Variants in CEP170 observed in about 807,000 individuals in gnomAD.
CEP170 encodes centrosomal protein 170.
Under a neutral mutation model 151.9 loss-of-function variants are expected in CEP170, and 21 were observed. The ratio of observed to expected loss-of-function variants is 0.14; its 90% CI spans 0.10 to 0.20. The LOEUF is 0.20. Among genes scored for constraint, CEP170 ranks in the 10% least tolerant of loss-of-function variants. CEP170 has a pLI of 1.00. For missense variants in CEP170, 964 were observed against 1,892.9 expected (o/e 0.51, Z 9.11); for synonymous variants, 356 against 648.8 (o/e 0.55, Z 6.86).
intron 12 of CEP170, among the ~76,000 whole-genome samples, chr1:243,167,800 T>C (rs887096972): frequency 1.3e-5 from 2 of 151,928 alleles, no homozygotes; most frequent in Non-Finnish European, 2.9e-5. Context: ...ATATATCTTA[T>C]CTCCTTAGTG....
chr1:243,148,553 G>A (rs1435626588), intron 14 of CEP170, among the ~76,000 whole-genome samples: 1 of 152,162 alleles, frequency 6.6e-6, no homozygotes, highest in African/African-American at 2.4e-5. Context: ...CAGCCTGGGT[G>A]ACAGTGAGAC....
intron 6 of CEP170, 85 bp from the exon 7 acceptor site, chr1:243,199,279 A>T: frequency 1.4e-5 from 20 of 1,403,370 alleles, no homozygotes; most frequent in Non-Finnish European, 1.9e-5. Context: ...TGCCTGCTTG[A>T]TTAATTAAAT....
At chr1:243,184,517 C>T (rs1027184877) in intron 10 of CEP170, among the ~76,000 whole-genome samples, 1 of 151,964 alleles carries the variant, frequency 6.6e-6, no homozygotes, top group African/African-American at 2.4e-5. Context: ...ATTTCCCAGA[C>T]AATGGGTCTC....
chr1:243,169,853 C>A, intron 11 of CEP170, 99 bp from the exon 12 acceptor site: 1 of 1,447,756 alleles, frequency 6.9e-7, no homozygotes, highest in Admixed American at 2.5e-5. Flanking sequence ...GCCATACAAA[C>A]CCATAATTAA....
intron 14 of CEP170, among the ~76,000 whole-genome samples, chr1:243,146,185 C>T (rs928193157): frequency 9.2e-5 from 14 of 152,052 alleles, no homozygotes; most frequent in African/African-American, 3.4e-4. Flanking sequence ...AAATTATGAA[C>T]TCGTTTGGAA....
intron 1 of CEP170, among the ~76,000 whole-genome samples, chr1:243,252,388 T>C (rs889865530): frequency 6.6e-6 from 1 of 152,128 alleles, no homozygotes; most frequent in East Asian, 1.9e-4. Context: ...TTTTGTGGAA[T>C]AAAAAACATT....
In CEP170 at chr1:243,191,009, T is replaced by C. The variant is rs1245932689; in HGVS notation, c.1108+9A>G. On this transcript the variant is annotated intron_variant, in intron 8 of 19. Coordinates refer to ENST00000366542, the MANE Select transcript of CEP170 (RefSeq NM_014812.3). ...AAGTAGGAAGTTCTGAATGATCAAATCACTTTACCTTTCAACCTTTTCAAG... is the reference window on the plus strand; with the variant it reads ...AAGTAGGAAGTTCTGAATGATCAAACCACTTTACCTTTCAACCTTTTCAAG... 6.6e-7 allele frequency: 1 copy of C among 1,517,720 alleles called. No homozygotes were observed. 94.0% of individuals were successfully genotyped at this position (1,517,720 alleles called of 1,614,324 possible). A position where few individuals can be genotyped will look rare whatever the true frequency, so the allele number is the denominator to read the frequency against.
chr1:243,150,564 C>T (rs1429518076), intron 14 of CEP170, among the ~76,000 whole-genome samples: 6 of 152,196 alleles, frequency 3.9e-5, no homozygotes, highest in Non-Finnish European at 4.4e-5. Context: ...GAAATTTGAA[C>T]AAAGCATTGG....
chr1:243,145,674 T>C (rs1478603836), intron 14 of CEP170, among the ~76,000 whole-genome samples: 2 of 152,194 alleles, frequency 1.3e-5, no homozygotes, highest in Non-Finnish European at 2.9e-5. Context: ...TTAAGTTTCC[T>C]TTGATATTAC....
chr1:243,173,065 CTTT>C (rs1021758453), intron 10 of CEP170, among the ~76,000 whole-genome samples: 1 of 145,786 alleles, frequency 6.9e-6, no homozygotes, highest in Non-Finnish European at 1.5e-5. Context: ...AGTAATTATC[CTTT>C]TTTTTTTTTG....
intron 4 of CEP170, chr1:243,211,169 A>G (rs2061774683): frequency 6.6e-6 from 1 of 151,470 alleles, no homozygotes; most frequent in Non-Finnish European, 1.5e-5. Flanking sequence ...TTAAATGTAC[A>G]TAAATCCTTT....
intron 8 of CEP170, among the ~76,000 whole-genome samples, chr1:243,189,391 C>G (rs1243357295): frequency 6.6e-6 from 1 of 151,766 alleles, no homozygotes; most frequent in African/African-American, 2.4e-5. Flanking sequence ...CCCGTCTCTA[C>G]TAAAAATAAA....
At position 243,126,257 on chromosome 1, in the gene CEP170, T is replaced by C; in HGVS notation, c.*192A>G. 1.4e-6 allele frequency: 1 copy of C among 710,618 alleles called. No individual in the cohort carries two copies. 44.0% of individuals were successfully genotyped at this position (710,618 alleles called of 1,614,324 possible). On this transcript the variant is annotated 3_prime_UTR_variant, in exon 20 of 20. Transcript: ENST00000366542. ...TGCTTTTTCCTATTTGTGCATCAAGTGGTTATCTAAATAGTTTGAAAGGAT... is the reference window on the plus strand; with the variant it reads ...TGCTTTTTCCTATTTGTGCATCAAGCGGTTATCTAAATAGTTTGAAAGGAT...
chr1:243,245,591 G>T (rs1465078941), intron 1 of CEP170, among the ~76,000 whole-genome samples: 1 of 152,064 alleles, frequency 6.6e-6, no homozygotes, highest in Non-Finnish European at 1.5e-5. Context: ...GTGTGTGCCT[G>T]TAATTCCAGC....
At chr1:243,253,357 G>C (rs575881802) in intron 1 of CEP170, 1 of 152,352 alleles carries the variant, frequency 6.6e-6, no homozygotes, top group South Asian at 2.1e-4. Flanking sequence ...AGGTAAAAGG[G>C]CTAGGGGGAC....
chr1:243,236,596 C>A (rs1325580538), intron 1 of CEP170, among the ~76,000 whole-genome samples: 2 of 152,148 alleles, frequency 1.3e-5, no homozygotes, highest in African/African-American at 4.8e-5. Context: ...GCGGATCAAT[C>A]TAGAGAAACG....
intron 14 of CEP170, among the ~76,000 whole-genome samples, chr1:243,149,730 T>C (rs893602092): frequency 3.9e-5 from 6 of 152,222 alleles, no homozygotes; most frequent in African/African-American, 9.6e-5. Flanking sequence ...AATTATATTA[T>C]AATTGAAGAC....
chr1:243,213,935 T>C (rs2062033991), intron 3 of CEP170, among the ~76,000 whole-genome samples: 1 of 152,178 alleles, frequency 6.6e-6, no homozygotes, highest in South Asian at 2.1e-4. Context: ...GGTCTTGAAT[T>C]CCTGGCCTCA....
chr1:243,138,218 T>C (rs911095826), intron 16 of CEP170, among the ~76,000 whole-genome samples: 1 of 152,252 alleles, frequency 6.6e-6, no homozygotes, highest in Non-Finnish European at 1.5e-5. Flanking sequence ...CATAGTTTTT[T>C]ATTATGTTTG....
Sources: gnomAD v4.1 joint callset for allele counts (sites outside exome capture counted in the v4.1 genomes callset) on GRCh38, gnomAD v4.1.1 for gene constraint, MANE v1.5 for transcripts, NCBI Gene and HGNC (gene_info 2026-07-23, HGNC 2026-07-21) for gene names.